NEGR1: variants seen among roughly 807,000 people sequenced by gnomAD.
The protein encoded by NEGR1 is neuronal growth regulator 1.
NEGR1 carries 10 observed loss-of-function variants against 40.9 expected under a neutral mutation model. The ratio of observed to expected loss-of-function variants is 0.24; its 90% CI spans 0.15 to 0.42. The LOEUF is 0.42. NEGR1 is among the 10% of genes least tolerant of loss of function. The pLI is 1.00. For synonymous variants in NEGR1, 185 were observed against 166.8 expected (o/e 1.11, Z -0.84); for missense variants, 352 against 438.9 (o/e 0.80, Z 1.77).
intron 4 of NEGR1, among the ~76,000 whole-genome samples, chr1:71,693,979 T>G (rs1000124520): frequency 1.1e-4 from 17 of 151,794 alleles, no homozygotes; most frequent in African/African-American, 4.1e-4. Flanking sequence ...AAATCAGCTT[T>G]TTGATTTTCA....
chr1:71,538,354 T>C (rs1647578895), intron 6 of NEGR1, among the ~76,000 whole-genome samples: 1 of 151,734 alleles, frequency 6.6e-6, no homozygotes, highest in African/African-American at 2.4e-5. Context: ...TTCTAGGTTG[T>C]TATTTTATCT....
chr1:71,579,828 T>C lies in NEGR1; in HGVS notation c.940+12989A>G, dbSNP rs574422829. On this transcript the variant is annotated intron_variant, in intron 6 of 6. Transcript: ENST00000357731. ...TTATATGTTTTTCTCTCTGGCTTCATAGAATTAAGACATTGCAAAATAAGC... is the reference window on the plus strand; with the variant it reads ...TTATATGTTTTTCTCTCTGGCTTCACAGAATTAAGACATTGCAAAATAAGC... Among the ~76,000 whole-genome samples, 50 of 152,276 alleles carry C rather than the reference T, an allele frequency of 3.3e-4. No individual in the cohort carries two copies. In the South Asian group the frequency reaches 9.1e-3, roughly 28 times the overall value.
chr1:71,954,854 A>C (rs1646106055), intron 1 of NEGR1, among the ~76,000 whole-genome samples: 1 of 152,124 alleles, frequency 6.6e-6, no homozygotes, highest in Admixed American at 6.6e-5. Flanking sequence ...AGCTATGATC[A>C]AATAACAATT....
chr1:71,991,737 T>G (rs953423028), intron 1 of NEGR1, among the ~76,000 whole-genome samples: 2 of 152,120 alleles, frequency 1.3e-5, no homozygotes, highest in Non-Finnish European at 2.9e-5. Flanking sequence ...CCTAACCTAT[T>G]ATAGGTAGTC....
intron 1 of NEGR1, among the ~76,000 whole-genome samples, chr1:72,071,091 A>G (rs1367917850): frequency 6.6e-6 from 1 of 152,020 alleles, no homozygotes. Context: ...CAATTCTCAA[A>G]GTTCTCATCA....
rs1646259585 is a variant in NEGR1, at chr1:71,403,688, C to T, written c.*3758G>A. ...AATATCTTCAAATTATTATTTCTTC[C>T]TTCTTTCTCTTAAGCTAATAGAGTT... On this transcript the variant is annotated 3_prime_UTR_variant, in exon 7 of 7. Coordinates refer to ENST00000357731, the MANE Select transcript of NEGR1 (RefSeq NM_173808.3). 3.0e-6 allele frequency: 1 copy of T among 333,186 alleles called. No homozygotes were observed. The highest frequency in any genetic ancestry group is 4.9e-5 in the Admixed American group (1 of 20,326). 20.6% of individuals were successfully genotyped at this position (333,186 alleles called of 1,614,324 possible). A position where few individuals can be genotyped will look rare whatever the true frequency, so the allele number is the denominator to read the frequency against.
At chr1:72,197,699 A>G (rs774552159) in intron 1 of NEGR1, among the ~76,000 whole-genome samples, 16 of 152,014 alleles carry the variant, frequency 1.1e-4, no homozygotes, top group Non-Finnish European at 2.2e-4. Context: ...TTCATATAAT[A>G]TTACAACCAG....
At chr1:71,626,143 G>T (rs1557591968) in intron 4 of NEGR1, among the ~76,000 whole-genome samples, 1 of 151,804 alleles carries the variant, frequency 6.6e-6, no homozygotes, top group Non-Finnish European at 1.5e-5. Context: ...AACCACTCTG[G>T]TACCAAGAGG....
chr1:72,253,661 C>T (rs746350047), intron 1 of NEGR1, among the ~76,000 whole-genome samples: 8 of 152,104 alleles, frequency 5.3e-5, no homozygotes, highest in Admixed American at 1.3e-4. Context: ...ATCTACAAGA[C>T]ATTTCCAAGG....
In NEGR1 at chr1:71,734,713, T is replaced by C. The variant is rs572433255; in HGVS notation, c.536-36574A>G. ...TCCCAAATGAATTCTGCCTTTCTAC[T>C]CCTATAATCTGACTCTTACCACTAG... On this transcript the variant is annotated intron_variant, in intron 3 of 6. Coordinates refer to ENST00000357731, the MANE Select transcript of NEGR1 (RefSeq NM_173808.3). Among the ~76,000 whole-genome samples, 5 of 152,214 alleles carry C rather than the reference T, an allele frequency of 3.3e-5. No homozygotes were observed. The South Asian group carries it at 1.0e-3, about 32-fold the overall frequency.
intron 2 of NEGR1, among the ~76,000 whole-genome samples, chr1:71,876,996 A>C (rs1241539613): frequency 6.6e-6 from 1 of 152,118 alleles, no homozygotes; most frequent in Non-Finnish European, 1.5e-5. Flanking sequence ...TAGTTAAAAA[A>C]AAAATAGCAG....
intron 1 of NEGR1, among the ~76,000 whole-genome samples, chr1:72,156,067 G>C (rs988943750): frequency 2.6e-5 from 4 of 151,964 alleles, no homozygotes; most frequent in African/African-American, 9.7e-5. Context: ...ATTTGAAAAA[G>C]GCCTACAACC....
At chr1:71,421,438 G>T (rs1646392970) in intron 6 of NEGR1, 1 of 151,976 alleles carries the variant, frequency 6.6e-6, no homozygotes, top group South Asian at 2.1e-4. Context: ...AATGGAAAAA[G>T]GATTAAGAGA....
intron 6 of NEGR1, among the ~76,000 whole-genome samples, chr1:71,543,959 CT>C (rs536357884): frequency 3.3e-5 from 5 of 150,738 alleles, no homozygotes; most frequent in South Asian, 2.1e-4. Flanking sequence ...GAAGTCAAAA[CT>C]TTTTTTTTAA....
intron 6 of NEGR1, among the ~76,000 whole-genome samples, chr1:71,416,204 G>A (rs115689915): frequency 6.6e-5 from 10 of 152,236 alleles, no homozygotes; most frequent in African/African-American, 1.4e-4. Flanking sequence ...AGTTGAATGC[G>A]TTTTTATGAT....
intron 4 of NEGR1, among the ~76,000 whole-genome samples, chr1:71,661,125 A>G (rs543274991): frequency 2.0e-5 from 3 of 152,276 alleles, no homozygotes; most frequent in Admixed American, 1.3e-4. Context: ...GTCGGTTCCA[A>G]GTCTTTGCTA....
At chr1:71,421,997 T>G (rs1204589493) in intron 6 of NEGR1, among the ~76,000 whole-genome samples, 1 of 152,020 alleles carries the variant, frequency 6.6e-6, no homozygotes, top group African/African-American at 2.4e-5. Flanking sequence ...TCCTGGAATT[T>G]CCTCCTATAT....
intron 1 of NEGR1, among the ~76,000 whole-genome samples, chr1:72,207,148 A>G (rs984539297): frequency 4.0e-5 from 6 of 151,800 alleles, no homozygotes; most frequent in African/African-American, 1.4e-4. Flanking sequence ...TAAGTTTGTG[A>G]AAAAAGAAAA....
chr1:71,948,281 C>T lies in NEGR1; in HGVS notation c.177-12970G>A, dbSNP rs116341222. Among the ~76,000 whole-genome samples, 723 of 151,932 alleles carry T rather than the reference C, an allele frequency of 4.8e-3. 7 individuals are homozygous for T. The highest frequency in any genetic ancestry group is 0.016 in the African/African-American group (658 of 41,458). On this transcript the variant is annotated intron_variant, in intron 1 of 6. Transcript: ENST00000357731. ...TACTAAATTCTATGGGCTTGAATAT[C>T]GTTTGTATTTAGTCAATATTTATGT...
Sources: allele counts gnomAD v4.1 joint callset (sites outside exome capture counted in the v4.1 genomes callset), GRCh38; gene constraint gnomAD v4.1.1; transcripts MANE v1.5; gene names NCBI Gene and HGNC (gene_info 2026-07-23, HGNC 2026-07-21).